The following ATP13A5 variants were observed in gnomAD, a reference collection of about 807,000 sequenced individuals.
ATP13A5 encodes the protein probable cation-transporting ATPase 13A5.
ATP13A5 carries 149 observed loss-of-function variants against 150.2 expected under a neutral mutation model. The observed-to-expected ratio is 0.99, with a 90% CI of 0.87 to 1.14. The LOEUF (loss-of-function observed/expected upper bound fraction) is 1.14. ATP13A5 is among the 50% of genes most tolerant of loss of function. The pLI is 0.00. For synonymous variants in ATP13A5, 497 were observed against 522.2 expected (o/e 0.95, Z 0.66); for missense variants, 1,383 against 1,449.3 (o/e 0.95, Z 0.74).
chr3:193,338,445 G>C (rs1406329455), intron 9 of ATP13A5, among the ~76,000 whole-genome samples: 1 of 152,134 alleles, frequency 6.6e-6, no homozygotes, highest in East Asian at 1.9e-4. Context: ...AGCATGAAGG[G>C]CTGTTGAATT....
At chr3:193,328,720 G>T (rs1174592427) in intron 12 of ATP13A5, among the ~76,000 whole-genome samples, 5 of 152,110 alleles carry the variant, frequency 3.3e-5, no homozygotes, top group Admixed American at 6.6e-5. Flanking sequence ...TAAAAAGAAA[G>T]AACTTGTCTT....
rs763871167 is a variant in ATP13A5, at chr3:193,364,206, G to GC, written c.137dup (p.Leu47ProfsTer67). The GC allele has an allele frequency of 1.2e-5, 19 of 1,614,098 alleles. No homozygotes were observed. Among genetic ancestry groups the GC allele is most frequent in the Non-Finnish European group, 1.6e-5 (19 of 1,179,976 alleles). ...GTCTCCAGTAGAACACCAGCAGAAG[G>GC]CCCCCACAGGTCAGCACGGATGCGA... On this transcript the variant is annotated frameshift_variant, in exon 2 of 30. Transcript: ENST00000342358. LOFTEE classifies it high-confidence loss of function.
chr3:193,303,619 G>T (rs1304348953), intron 23 of ATP13A5, among the ~76,000 whole-genome samples: 2 of 151,954 alleles, frequency 1.3e-5, no homozygotes, highest in Non-Finnish European at 2.9e-5. Context: ...TGTTAATGCG[G>T]TAACAGGTTT....
intron 9 of ATP13A5, among the ~76,000 whole-genome samples, chr3:193,339,806 T>C (rs1380363675): frequency 6.6e-6 from 1 of 152,182 alleles, no homozygotes; most frequent in Non-Finnish European, 1.5e-5. Context: ...TTTTTGCTTT[T>C]GAATCACAGA....
In ATP13A5 at chr3:193,324,949, A is replaced by T; in HGVS notation, c.1589T>A (p.Met530Lys). 1 of 1,613,156 alleles carries T rather than the reference A, an allele frequency of 6.2e-7. No individual in the cohort carries two copies. The highest frequency in any genetic ancestry group is 8.5e-7 in the Non-Finnish European group (1 of 1,179,916). Residue 530 changes from methionine (M) to lysine (K), a missense_variant, in exon 14 of 30, where the codon ATG (methionine) becomes AAG (lysine). Coordinates refer to ENST00000342358, the MANE Select transcript of ATP13A5 (RefSeq NM_198505.4). Reference sequence around the variant, plus strand: ...AAGGATCAGAGAGTGGCAGCTGGCCATGGCCGCACACAGTGGGCTCCATGG... The same window carrying T: ...AAGGATCAGAGAGTGGCAGCTGGCCTTGGCCGCACACAGTGGGCTCCATGG... ...AVPWSPLCAAMASCHSLILLN... is the reference protein window; with the variant it reads ...AVPWSPLCAAKASCHSLILLN...
At chr3:193,307,288 A>AGTGAGTG in intron 22 of ATP13A5, 39 bp downstream of exon 22, 1 of 1,613,462 alleles carries the variant, frequency 6.2e-7, no homozygotes, top group Non-Finnish European at 8.5e-7. Flanking sequence ...GAGGGATATT[A>AGTGAGTG]GTGAGTGGCT....
At chr3:193,364,841 G>A (rs541213702) in intron 1 of ATP13A5, among the ~76,000 whole-genome samples, 33 of 152,228 alleles carry the variant, frequency 2.2e-4, no homozygotes, top group African/African-American at 7.7e-4. Flanking sequence ...GGAATTACTC[G>A]TGGATATGAA....
chr3:193,320,731 G>A (rs1454421589), intron 16 of ATP13A5, among the ~76,000 whole-genome samples: 1 of 152,274 alleles, frequency 6.6e-6, no homozygotes, highest in South Asian at 2.1e-4. Flanking sequence ...CATAAGGAGA[G>A]TCTACATGAA....
chr3:193,279,042 TA>T (rs1717358594), intron 28 of ATP13A5, among the ~76,000 whole-genome samples: 1 of 152,232 alleles, frequency 6.6e-6, no homozygotes, highest in Non-Finnish European at 1.5e-5. Context: ...TGATATGGTT[TA>T]TTTTTTTGAA....
intron 5 of ATP13A5, among the ~76,000 whole-genome samples, chr3:193,362,079 C>T (rs1713027782): frequency 6.6e-6 from 1 of 151,968 alleles, no homozygotes; most frequent in South Asian, 2.1e-4. Context: ...ACTAAGCTGA[C>T]ATTTAGGGAA....
chr3:193,321,522 T>A (rs1198590348), intron 16 of ATP13A5, among the ~76,000 whole-genome samples, 159 bp downstream of exon 16: 1 of 152,136 alleles, frequency 6.6e-6, no homozygotes, highest in Non-Finnish European at 1.5e-5. Context: ...TCCCAGCTAC[T>A]TGGGAGGCTG....
Position 193,293,572 on chromosome 3 carries a change from G to A in ATP13A5, c.2849-3513C>T, listed in dbSNP as rs146295496. ...AGGATCTATTGCATGGGAAGACTTC[G>A]CAGTTTCAAATTCTATTCTTATAGT... On this transcript the variant is annotated intron_variant, in intron 25 of 29. Transcript: ENST00000342358. 2.1e-4 allele frequency among the ~76,000 whole-genome samples: 32 copies of A among 152,052 alleles called. No homozygotes were observed. In the East Asian group the frequency reaches 3.7e-3, roughly 17 times the overall value.
intron 6 of ATP13A5, among the ~76,000 whole-genome samples, 174 bp downstream of exon 6, chr3:193,353,953 C>T (rs1482162915): frequency 6.6e-6 from 1 of 152,076 alleles, no homozygotes; most frequent in Non-Finnish European, 1.5e-5. Context: ...GAATCTGTCT[C>T]ACACTGGAAA....
At chr3:193,367,357 T>A (rs1276417038) in intron 1 of ATP13A5, among the ~76,000 whole-genome samples, 2 of 152,074 alleles carry the variant, frequency 1.3e-5, no homozygotes, top group African/African-American at 4.8e-5. Context: ...AAAAGCTCCC[T>A]GCAAAGAAAT....
intron 25 of ATP13A5, among the ~76,000 whole-genome samples, chr3:193,295,114 G>T (rs1718113274): frequency 6.6e-6 from 1 of 152,084 alleles, no homozygotes; most frequent in South Asian, 2.1e-4. Flanking sequence ...CCTAAGGGCT[G>T]CAGATAAATG....
intron 7 of ATP13A5, among the ~76,000 whole-genome samples, chr3:193,345,987 C>G (rs1712320546): frequency 6.6e-6 from 1 of 152,040 alleles, no homozygotes. Flanking sequence ...GCCATCCTCT[C>G]CTTTATGAAC....
chr3:193,362,775 T>C lies in ATP13A5; in HGVS notation c.385-138A>G, dbSNP rs113209246. ...CTTCTTTCTTTCTTTCTTTCTTTCT[T>C]TCTTTCTTTCTTTCTTTCTTTCTTT... On this transcript the variant is annotated intron_variant, in intron 3 of 29. Transcript: ENST00000342358. 5 of 335,968 alleles carry C rather than the reference T, an allele frequency of 1.5e-5. 1 individual carries two copies. The highest frequency in any genetic ancestry group is 2.7e-5 in the Non-Finnish European group (5 of 188,250). The allele number at this position is 335,968 out of a possible 1,614,324, so 20.8% of individuals were successfully genotyped here. A position where few individuals can be genotyped will look rare whatever the true frequency, so the allele number is the denominator to read the frequency against.
chr3:193,364,427 C>T (rs1713163810), intron 1 of ATP13A5, 147 bp from the exon 2 acceptor site: 1 of 883,638 alleles, frequency 1.1e-6, no homozygotes, highest in Non-Finnish European at 1.7e-6. Flanking sequence ...TGACTGCTTG[C>T]AGCTGTCCAC....
intron 27 of ATP13A5, among the ~76,000 whole-genome samples, chr3:193,284,054 T>C (rs558843440): frequency 5.2e-4 from 78 of 150,538 alleles, no homozygotes; most frequent in African/African-American, 1.8e-3. Context: ...AGAGCCTTGC[T>C]CTGTTGCCCA....
Sources: allele counts gnomAD v4.1 joint callset (sites outside exome capture counted in the v4.1 genomes callset), GRCh38; gene constraint gnomAD v4.1.1; transcripts MANE v1.5; gene names NCBI Gene and HGNC (gene_info 2026-07-23, HGNC 2026-07-21).